Variants in DDX42 observed in about 807,000 individuals in gnomAD.
The protein encoded by DDX42 is ATP-dependent RNA helicase DDX42.
A neutral mutation model predicts 101.5 loss-of-function variants in DDX42; 22 were observed. The ratio of observed to expected loss-of-function variants is 0.22; its 90% CI spans 0.15 to 0.31. DDX42 has a LOEUF of 0.31. Among genes scored for constraint, DDX42 ranks in the 10% least tolerant of loss-of-function variants. The pLI, the probability that DDX42 is intolerant of heterozygous loss-of-function variation, is 1.00. For synonymous variants in DDX42, 402 were observed against 401.2 expected (o/e 1.00, Z -0.02); for missense variants, 849 against 1,199.9 (o/e 0.71, Z 4.32).
intron 17 of DDX42, chr17:63,817,438 T>C (rs1598345696): frequency 2.3e-6 from 1 of 437,680 alleles, no homozygotes; most frequent in Non-Finnish European, 4.1e-6. Context: ...GCTAAATACA[T>C]AGATGCTTTA....
At position 63,787,093 on chromosome 17, in the gene DDX42, G is replaced by T; in HGVS notation, c.44G>T (p.Gly15Val). 6.2e-7 allele frequency: 1 copy of T among 1,614,200 alleles called. No individual in the cohort carries two copies. The highest frequency in any genetic ancestry group is 8.5e-7 in the Non-Finnish European group (1 of 1,180,040). Residue 15 changes from glycine (G) to valine (V), a missense_variant, in exon 2 of 18, where the codon GGC becomes GTC. Physicochemically the swap from Gly to Val is moderately radical, Grantham distance 109 (BLOSUM62 -3). This residue lies in a region of DDX42 where 92 missense variants were observed against 106.7 expected (regional missense o/e 0.86). Coordinates refer to ENST00000389924, the MANE Select transcript of DDX42 (RefSeq NM_203499.3). ...KGGPGTKRGF[G>V]FGGFAISAGK... The stretch of plus-strand genomic sequence containing the variant: ...GGTCCTGGCACTAAGCGAGGATTTG[G>T]CTTTGGAGGTTTTGCCATCAGTGCT...
chr17:63,789,404 G>A (rs2039591529), intron 2 of DDX42, among the ~76,000 whole-genome samples: 1 of 151,930 alleles, frequency 6.6e-6, no homozygotes, highest in African/African-American at 2.4e-5. Context: ...TGTAGAGACA[G>A]GGTCTTGCTT....
rs141551030 is a variant in DDX42 at position 63,790,912 on chromosome 17, G to A, written c.222-1500G>A. Among the ~76,000 whole-genome samples, 1,171 of 152,290 alleles carry A rather than the reference G, an allele frequency of 7.7e-3. 9 individuals carry two copies. The highest frequency in any genetic ancestry group is 0.014 in the Middle Eastern group (4 of 294). On this transcript the variant is annotated intron_variant, in intron 2 of 17. Transcript: ENST00000389924. ...CACGCCGCTGCACTGCAGCCTGGGC[G>A]ACAGGGCGAGGCTGTCTCAAAAACA...
At chr17:63,804,803 C>T (rs922374116) in intron 6 of DDX42, among the ~76,000 whole-genome samples, 1 of 152,110 alleles carries the variant, frequency 6.6e-6, no homozygotes, top group Non-Finnish European at 1.5e-5. Context: ...GAGCCAGGAT[C>T]GCACCACTGC....
chr17:63,810,473 A>G, intron 11 of DDX42, 40 bp from the exon 12 acceptor site: 1 of 1,604,990 alleles, frequency 6.2e-7, no homozygotes. Context: ...CCCAAACTGT[A>G]TTTCAGGTTA....
Position 63,811,185 on chromosome 17 carries a change from C to G in DDX42, c.1398+12C>G. The G allele has an allele frequency of 6.2e-7, 1 of 1,604,624 alleles. No individual in the cohort carries two copies. The highest frequency in any genetic ancestry group is 1.3e-5 in the African/African-American group (1 of 74,774). On this transcript the variant is annotated intron_variant, in intron 13 of 17. Coordinates refer to ENST00000389924, the MANE Select transcript of DDX42 (RefSeq NM_203499.3). ...GAGATATTGGAGAGGTAACCCTAAG[C>G]AGGGCTGGATGGGACCTTAATGGGT... is the stretch of plus-strand genomic sequence containing the variant.
chr17:63,786,372 C>T (rs2584639), intron 1 of DDX42, among the ~76,000 whole-genome samples: 105,787 of 152,114 alleles, frequency 0.7, 38,070 homozygotes, highest in African/African-American at 0.9. Flanking sequence ...CCTCAGCCTC[C>T]TGAATAGCTG....
intron 13 of DDX42, chr17:63,811,481 T>C (rs963326435): frequency 1.1e-5 from 4 of 367,382 alleles, no homozygotes; most frequent in Non-Finnish European, 2.0e-5. Context: ...AAGATGTGCC[T>C]GGAAGCATCA....
intron 16 of DDX42, chr17:63,816,038 G>A (rs7223966): frequency 0.28 from 43,851 of 155,100 alleles, 6,584 homozygotes; most frequent in Middle Eastern, 0.37. Context: ...CTTCAACACT[G>A]GCCTAAAGCC....
chr17:63,780,356 A>C (rs569683827), intron 1 of DDX42, among the ~76,000 whole-genome samples: 1 of 152,268 alleles, frequency 6.6e-6, no homozygotes, highest in African/African-American at 2.4e-5. Context: ...GTAATGATCC[A>C]TTGAGGATGA....
chr17:63,811,707 T>TAC, intron 13 of DDX42: 1 of 621,148 alleles, frequency 1.6e-6, no homozygotes. Context: ...AGGAAAGCTC[T>TAC]ACAAAGTAGT....
At chr17:63,776,281 A>C (rs966241126) in intron 1 of DDX42, 1 of 152,324 alleles carries the variant, frequency 6.6e-6, no homozygotes, top group Non-Finnish European at 1.5e-5. Flanking sequence ...ATTTATTCTC[A>C]CTTCCTAGCC....
At chr17:63,810,445 A>G (rs2039896283) in intron 11 of DDX42, 68 bp from the exon 12 acceptor site, 1 of 1,531,384 alleles carries the variant, frequency 6.5e-7, no homozygotes, top group East Asian at 2.3e-5. Flanking sequence ...TTTTACTAAT[A>G]TGGCTTTTTC....
intron 4 of DDX42, 68 bp from the exon 5 acceptor site, chr17:63,799,521 G>T: frequency 4.5e-6 from 7 of 1,572,370 alleles, no homozygotes; most frequent in Non-Finnish European, 6.1e-6. Flanking sequence ...ACACTAATCT[G>T]CTGTAAGTAT....
Position 63,818,947 on chromosome 17 carries a change from C to T in DDX42, c.*549C>T, listed in dbSNP as rs2040014166. 1 of 154,136 alleles carries T rather than the reference C, an allele frequency of 6.5e-6. No individual in the cohort carries two copies. The highest frequency in any genetic ancestry group is 2.4e-5 in the African/African-American group (1 of 41,386). 9.5% of individuals were successfully genotyped at this position (154,136 alleles called of 1,614,324 possible). The stretch of plus-strand genomic sequence containing the variant: ...GGTCCCCAGCCAGGTTTGCATCCAG[C>T]CCTGAGACATGTAGGAAACACCTTT... On this transcript the variant is annotated 3_prime_UTR_variant, in exon 18 of 18. Transcript: ENST00000389924.
chr17:63,812,592 G>T (rs1179622842), intron 14 of DDX42, among the ~76,000 whole-genome samples: 1 of 152,116 alleles, frequency 6.6e-6, no homozygotes, highest in East Asian at 1.9e-4. Flanking sequence ...TTCTGGATTT[G>T]TTCTGTCAAG....
At chr17:63,814,132 C>T (rs1273167355) in intron 15 of DDX42, among the ~76,000 whole-genome samples, 1 of 152,188 alleles carries the variant, frequency 6.6e-6, no homozygotes, top group Non-Finnish European at 1.5e-5. Context: ...AGGCGTGAGC[C>T]ACCGTGCCCA....
chr17:63,804,068 CTCT>C (rs1337391571), intron 6 of DDX42, among the ~76,000 whole-genome samples: 1 of 152,048 alleles, frequency 6.6e-6, no homozygotes, highest in Admixed American at 6.5e-5. Flanking sequence ...AATAGTGTCA[CTCT>C]TCTTCCAATT....
At chr17:63,798,548 A>G (rs2039721369) in intron 4 of DDX42, among the ~76,000 whole-genome samples, 1 of 152,238 alleles carries the variant, frequency 6.6e-6, no homozygotes, top group Non-Finnish European at 1.5e-5. Context: ...GAGTCCACTC[A>G]TGGGGATTTT....
Sources: gnomAD v4.1 joint callset for allele counts (sites outside exome capture counted in the v4.1 genomes callset) on GRCh38, gnomAD v4.1.1 for gene constraint, gnomAD v4.1.1 regional missense constraint, MANE v1.5 for transcripts, NCBI Gene and HGNC (gene_info 2026-07-23, HGNC 2026-07-21) for gene names.